Variants in INTS8 observed in about 807,000 individuals in gnomAD.
INTS8 encodes integrator complex subunit 8, also known as protein kaonashi-1.
In INTS8, 47 loss-of-function variants were observed where a neutral mutation model predicts 138.9. The observed-to-expected ratio is 0.34, with a 90% CI of 0.27 to 0.43. The LOEUF (loss-of-function observed/expected upper bound fraction) is 0.43. Ranked by LOEUF, INTS8 falls within the 20% of genes least tolerant of loss-of-function variation. The probability of loss-of-function intolerance (pLI) is 1.00; values close to 1 mark genes in which losing one functional copy is unlikely to be tolerated. For synonymous variants in INTS8, 392 were observed against 400.9 expected, an observed-to-expected ratio of 0.98 and a Z score of 0.27; for missense variants, 996 against 1,173.0, an observed-to-expected ratio of 0.85 and a Z score of 2.20.
At position 94,881,409 on chromosome 8, in the gene INTS8, C is replaced by T; in HGVS notation, c.*1175C>T. The T allele has an allele frequency of 1.9e-6, 1 of 534,768 alleles. No homozygotes were observed. 33.1% of individuals were successfully genotyped at this position (534,768 alleles called of 1,614,324 possible). ...CCAGTAACCTTGGGAATGAAGACAT[C>T]TTTGTAAACAAGTCCTGCTGTTTCT... On this transcript the variant is annotated 3_prime_UTR_variant, in exon 27 of 27. Coordinates refer to ENST00000523731, the MANE Select transcript of INTS8 (RefSeq NM_017864.4).
chr8:94,855,828 C>T (rs1008062958), intron 14 of INTS8, among the ~76,000 whole-genome samples: 9 of 152,162 alleles, frequency 5.9e-5, no homozygotes, highest in Non-Finnish European at 1.3e-4. Flanking sequence ...ACTTCCGGTT[C>T]GAGAGTCAGA....
intron 7 of INTS8, among the ~76,000 whole-genome samples, chr8:94,837,095 A>G (rs1814953072): frequency 6.6e-6 from 1 of 152,176 alleles, no homozygotes. Flanking sequence ...GTATTTTTCT[A>G]AGGCTATAAT....
In INTS8 at chr8:94,856,813, T is replaced by C. The variant is rs141200674; in HGVS notation, c.1789T>C (p.Leu597=). ...SHAKQLFAAC[L]ELVTEFSPKL... ...TGCTAAACAGCTCTTTGCTGCTTGT[T>C]TGGAGTTGGTAACAGAGTTCTCACC... The change falls in exon 15 of 27, where the codon TTG becomes CTG. Residue 597 remains leucine, a synonymous_variant. Coordinates refer to ENST00000523731, the MANE Select transcript of INTS8 (RefSeq NM_017864.4). 1.4e-5 allele frequency: 22 copies of C among 1,614,148 alleles called. No homozygotes were observed. Among genetic ancestry groups the C allele is most frequent in the Non-Finnish European group, 1.9e-5 (22 of 1,180,026 alleles).
chr8:94,874,352 G>A (rs1816504127), intron 22 of INTS8, among the ~76,000 whole-genome samples, 200 bp from the exon 23 acceptor site: 1 of 151,772 alleles, frequency 6.6e-6, no homozygotes, highest in Admixed American at 6.6e-5. Context: ...AAATAAGATT[G>A]AACATTTATT....
chr8:94,865,482 T>C (rs1816145966), intron 16 of INTS8, 24 bp from the exon 17 acceptor site: 1 of 1,589,486 alleles, frequency 6.3e-7, no homozygotes, highest in Admixed American at 1.7e-5. Context: ...TTATCTTTTG[T>C]GTATTTTGTT....
At position 94,854,030 on chromosome 8, in the gene INTS8, G is replaced by T. The variant is rs376904174; in HGVS notation, c.1752+115G>T. 2.7e-5 allele frequency: 16 copies of T among 596,922 alleles called. 1 individual carries two copies. Among genetic ancestry groups the T allele is most frequent in the East Asian group, 1.4e-4 (5 of 35,028 alleles). The allele number at this position is 596,922 out of a possible 1,614,324, so 37.0% of individuals were successfully genotyped here. ...GTCTGAGGTGGGCAGATCAACTGAGGTCAAGACCAGCCTGGCCAACATGGT... is the reference window on the plus strand; with the variant it reads ...GTCTGAGGTGGGCAGATCAACTGAGTTCAAGACCAGCCTGGCCAACATGGT... On this transcript the variant is annotated intron_variant, in intron 14 of 26. Coordinates refer to ENST00000523731, the MANE Select transcript of INTS8 (RefSeq NM_017864.4).
chr8:94,848,031 T>A (rs143313780), intron 10 of INTS8, among the ~76,000 whole-genome samples: 5,029 of 151,212 alleles, frequency 0.033, 107 homozygotes, highest in Non-Finnish European at 0.039. Flanking sequence ...TTTTTTGAGA[T>A]GGAGTCTCTC....
intron 18 of INTS8, chr8:94,866,906 A>G (rs1586520320): frequency 4.5e-6 from 2 of 447,854 alleles, no homozygotes; most frequent in East Asian, 3.6e-5. Flanking sequence ...AGATAGCACC[A>G]TAAGCCAAAC....
At chr8:94,838,685 A>G (rs1157932793) in intron 8 of INTS8, 67 bp downstream of exon 8, 2 of 1,327,124 alleles carry the variant, frequency 1.5e-6, no homozygotes, top group Admixed American at 1.8e-5. Context: ...AAATCCTCGC[A>G]CCATCCATTT....
At chr8:94,842,870 T>C (rs987763197) in intron 10 of INTS8, among the ~76,000 whole-genome samples, 8 of 152,260 alleles carry the variant, frequency 5.3e-5, no homozygotes, top group African/African-American at 1.9e-4. Flanking sequence ...TTGTCTGTCA[T>C]GTGTGCTGTG....
intron 5 of INTS8, among the ~76,000 whole-genome samples, chr8:94,829,981 C>T (rs112388888): frequency 0.016 from 2,361 of 152,272 alleles, 61 homozygotes; most frequent in African/African-American, 0.054. Flanking sequence ...ACTGCAACTT[C>T]GCCTCCCTGC....
chr8:94,862,867 GCA>G (rs1563664813), intron 16 of INTS8, among the ~76,000 whole-genome samples: 2 of 151,762 alleles, frequency 1.3e-5, no homozygotes, highest in Non-Finnish European at 2.9e-5. Context: ...ACACACACAC[GCA>G]CACACGTGTA....
intron 6 of INTS8, among the ~76,000 whole-genome samples, chr8:94,835,313 C>CT (rs1366679623): frequency 3.3e-5 from 5 of 152,156 alleles, no homozygotes; most frequent in African/African-American, 1.2e-4. Context: ...ACTAAATAAT[C>CT]TGAGTCTTTT....
chr8:94,876,067 A>G lies in INTS8; in HGVS notation c.2689-7A>G, dbSNP rs1173059684. On this transcript the variant is annotated splice_polypyrimidine_tract_variant and splice_region_variant and intron_variant, in intron 23 of 26. Transcript: ENST00000523731. The stretch of plus-strand genomic sequence containing the variant: ...ATGAAACCATTTTCAAATCTTTGTT[A>G]ATGTAGGTGGCCATTTTATGTCAGT... 2 of 1,574,582 alleles carry G rather than the reference A, an allele frequency of 1.3e-6. No homozygotes were observed. The highest frequency in any genetic ancestry group is 3.3e-5 in the Admixed American group (2 of 59,788).
rs1385562981 is a variant in INTS8 at position 94,823,536 on chromosome 8, G to T, written c.105G>T (p.Glu35Asp). ...FEFLLEESLL[E>D]KHLRKPCPDP... is the part of the protein sequence containing the mutation. ...TTCTGCTGGAGGAGTCACTGTTGGA[G>T]AAACATCTGCGCAAGCCCTGCCCGG... The change falls in exon 1 of 27, where the codon GAG becomes GAT. Residue 35 changes from glutamate (E) to aspartate (D), a missense_variant. Coordinates refer to ENST00000523731, the MANE Select transcript of INTS8 (RefSeq NM_017864.4). 1 of 1,579,942 alleles carries T rather than the reference G, an allele frequency of 6.3e-7. No individual in the cohort carries two copies. Among genetic ancestry groups the T allele is most frequent in the Non-Finnish European group, 8.6e-7 (1 of 1,163,654 alleles).
chr8:94,844,091 T>C (rs1326811278), intron 10 of INTS8, among the ~76,000 whole-genome samples: 1 of 151,722 alleles, frequency 6.6e-6, no homozygotes, highest in African/African-American at 2.4e-5. Flanking sequence ...CAGGCTTTAG[T>C]GCAGTGGCGT....
intron 1 of INTS8, 136 bp downstream of exon 1, chr8:94,823,697 G>A (rs923325435): frequency 1.5e-6 from 1 of 672,488 alleles, no homozygotes; most frequent in Non-Finnish European, 2.4e-6. Flanking sequence ...CTCCGGCCGG[G>A]CTCCTCGCTT....
intron 16 of INTS8, among the ~76,000 whole-genome samples, chr8:94,863,830 T>C (rs1289800499): frequency 1.3e-5 from 2 of 152,222 alleles, no homozygotes; most frequent in East Asian, 3.8e-4. Flanking sequence ...GCATGTATTG[T>C]GATTCCATTT....
At chr8:94,842,554 A>G (rs1815173922) in intron 10 of INTS8, 66 bp downstream of exon 10, 4 of 1,298,074 alleles carry the variant, frequency 3.1e-6, no homozygotes, top group South Asian at 1.5e-5. Context: ...TGACCTCTTA[A>G]TTGCCAAATC....
Sources: allele counts gnomAD v4.1 joint callset (sites outside exome capture counted in the v4.1 genomes callset), GRCh38; gene constraint gnomAD v4.1.1; transcripts MANE v1.5; gene names NCBI Gene and HGNC (gene_info 2026-07-23, HGNC 2026-07-21).